PRICKLE2: variants seen among roughly 807,000 people sequenced by gnomAD.
PRICKLE2 encodes the protein prickle-like protein 2.
PRICKLE2 carries 21 observed loss-of-function variants against 81.4 expected under a neutral mutation model. The ratio of observed to expected loss-of-function variants is 0.26; its 90% CI spans 0.18 to 0.37. PRICKLE2 has a LOEUF of 0.37. Ranked by LOEUF, PRICKLE2 falls within the 10% of genes least tolerant of loss-of-function variation. The probability of loss-of-function intolerance (pLI) is 1.00; values close to 1 mark genes in which losing one functional copy is unlikely to be tolerated. For synonymous variants in PRICKLE2, 456 were observed against 421.5 expected (o/e 1.08, Z -1.00); for missense variants, 940 against 1,109.0 (o/e 0.85, Z 2.16).
At chr3:64,204,490 C>T (rs139593018) in intron 1 of PRICKLE2, among the ~76,000 whole-genome samples, 241 of 152,252 alleles carry the variant, frequency 1.6e-3, no homozygotes, top group African/African-American at 5.5e-3. Context: ...TAGGCTCTAA[C>T]TGACCACTGA....
At chr3:64,203,611 T>C (rs2078628439) in intron 1 of PRICKLE2, among the ~76,000 whole-genome samples, 1 of 151,902 alleles carries the variant, frequency 6.6e-6, no homozygotes, top group Admixed American at 6.6e-5. Flanking sequence ...GGAATAAAGA[T>C]AACAAGAAAA....
intron 2 of PRICKLE2, among the ~76,000 whole-genome samples, chr3:64,196,425 C>A (rs553258868): frequency 6.6e-6 from 1 of 152,316 alleles, no homozygotes; most frequent in African/African-American, 2.4e-5. Context: ...TGAAAACACA[C>A]TGTTCAAGTA....
In PRICKLE2 at chr3:64,255,689, C is replaced by T. The variant is rs1258505639; in HGVS notation, c.129-56722G>A. 3.9e-5 allele frequency among the ~76,000 whole-genome samples: 6 copies of T among 152,172 alleles called. No individual in the cohort carries two copies. The East Asian group carries it at 1.2e-3, about 29-fold the overall frequency. ...CTCTAGTTACTTACCTCAGCATCTC[C>T]TCTTCCTCCTCAGTAGCAGGATTCC... On this transcript the variant is annotated intron_variant, in intron 2 of 8. Coordinates refer to the PRICKLE2 transcript ENST00000295902.
At chr3:64,221,125 T>G (rs1461650422) in intron 1 of PRICKLE2, among the ~76,000 whole-genome samples, 1 of 152,074 alleles carries the variant, frequency 6.6e-6, no homozygotes, top group Non-Finnish European at 1.5e-5. Context: ...CTTTGCACTT[T>G]CGTGGTGGAT....
At position 64,265,022 on chromosome 3, in the gene PRICKLE2, C is replaced by T. The variant is rs577774710; in HGVS notation, c.129-66055G>A. Among the ~76,000 whole-genome samples, 46 of 152,302 alleles carry T rather than the reference C, an allele frequency of 3.0e-4. 2 individuals carry two copies. The South Asian group carries it at 9.3e-3, about 31-fold the overall frequency. ...AGTCCCACAGTACCTGCGTCTGTTCCCTCCGCTACCCCTACATCTTCCATT... is the reference window on the plus strand; with the variant it reads ...AGTCCCACAGTACCTGCGTCTGTTCTCTCCGCTACCCCTACATCTTCCATT... On this transcript the variant is annotated intron_variant, in intron 2 of 8. Coordinates refer to the PRICKLE2 transcript ENST00000295902.
chr3:64,130,392 G>A (rs11914507), intron 7 of PRICKLE2, among the ~76,000 whole-genome samples: 22,396 of 152,198 alleles, frequency 0.15, 1,939 homozygotes, highest in Non-Finnish European at 0.2. Flanking sequence ...CACAGAGCCA[G>A]TAATGGACAG....
At chr3:64,140,644 T>C (rs1377964124) in intron 7 of PRICKLE2, among the ~76,000 whole-genome samples, 1 of 152,130 alleles carries the variant, frequency 6.6e-6, no homozygotes, top group Non-Finnish European at 1.5e-5. Flanking sequence ...AGCCCTGACC[T>C]CTAATTTGCA....
intron 7 of PRICKLE2, among the ~76,000 whole-genome samples, chr3:64,137,554 G>C (rs1157223977): frequency 6.6e-6 from 1 of 152,136 alleles, no homozygotes; most frequent in Non-Finnish European, 1.5e-5. Flanking sequence ...CAAAAACCAG[G>C]ACACTGGAAA....
At chr3:64,224,494 G>A (rs976215358) in intron 1 of PRICKLE2, among the ~76,000 whole-genome samples, 1 of 152,162 alleles carries the variant, frequency 6.6e-6, no homozygotes, top group Non-Finnish European at 1.5e-5. Context: ...TTACCTGGAA[G>A]TCTCAGCTGA....
intron 4 of PRICKLE2, among the ~76,000 whole-genome samples, chr3:64,159,692 C>G (rs1481558747): frequency 6.6e-6 from 1 of 152,192 alleles, no homozygotes; most frequent in Non-Finnish European, 1.5e-5. Context: ...TGCAGCCTCC[C>G]CACACTTCCA....
upstream of PRICKLE2, among the ~76,000 whole-genome samples, chr3:64,226,198 T>C (rs907771388): frequency 2.0e-5 from 3 of 152,186 alleles, no homozygotes; most frequent in Non-Finnish European, 4.4e-5. Context: ...AAAGGACTTT[T>C]CTAAAGTCAC....
intron 7 of PRICKLE2, among the ~76,000 whole-genome samples, chr3:64,139,728 T>C (rs2077331581): frequency 6.6e-6 from 1 of 152,196 alleles, no homozygotes; most frequent in African/African-American, 2.4e-5. Context: ...TGGCCCTTGC[T>C]TTCCTTCCAA....
chr3:64,252,555 T>C (rs2079463314), intron 2 of PRICKLE2, among the ~76,000 whole-genome samples: 1 of 152,216 alleles, frequency 6.6e-6, no homozygotes, highest in South Asian at 2.1e-4. Context: ...TGGTTATTTA[T>C]GGTCAATAGC....
chr3:64,265,682 C>T (rs2079693207), intron 2 of PRICKLE2, among the ~76,000 whole-genome samples: 1 of 152,178 alleles, frequency 6.6e-6, no homozygotes, highest in South Asian at 2.1e-4. Flanking sequence ...AAACCCAACA[C>T]AAGACCACTT....
intron 7 of PRICKLE2, among the ~76,000 whole-genome samples, chr3:64,111,520 C>T (rs943371478): frequency 2.6e-5 from 4 of 152,150 alleles, no homozygotes; most frequent in African/African-American, 9.7e-5. Flanking sequence ...GAGAGAAGTA[C>T]AGATCCAGTG....
chr3:64,138,826 C>T (rs1330535103), intron 7 of PRICKLE2, among the ~76,000 whole-genome samples: 1 of 152,168 alleles, frequency 6.6e-6, no homozygotes, highest in Non-Finnish European at 1.5e-5. Context: ...AAGATCTGGG[C>T]CACACAATAC....
intron 6 of PRICKLE2, among the ~76,000 whole-genome samples, chr3:64,152,852 T>C (rs2077569035): frequency 6.6e-6 from 1 of 152,196 alleles, no homozygotes; most frequent in Non-Finnish European, 1.5e-5. Flanking sequence ...TCCTCTCCTT[T>C]TGAGAATGCA....
chr3:64,121,707 T>G (rs2077030644), intron 7 of PRICKLE2, among the ~76,000 whole-genome samples: 1 of 152,228 alleles, frequency 6.6e-6, no homozygotes, highest in Non-Finnish European at 1.5e-5. Context: ...GGAGGGTGTT[T>G]CTTGCCGCCC....
chr3:64,214,638 A>G (rs914483787), intron 1 of PRICKLE2, among the ~76,000 whole-genome samples: 2 of 152,100 alleles, frequency 1.3e-5, no homozygotes, highest in Non-Finnish European at 2.9e-5. Flanking sequence ...AGAAAATATC[A>G]TTTCCTGGTT....
Sources: gnomAD v4.1 joint callset for allele counts (sites outside exome capture counted in the v4.1 genomes callset) on GRCh38, gnomAD v4.1.1 for gene constraint, MANE v1.5 for transcripts, NCBI Gene and HGNC (gene_info 2026-07-23, HGNC 2026-07-21) for gene names.